Variants in LRP1B observed in about 807,000 individuals in gnomAD.
LRP1B encodes the protein low-density lipoprotein receptor-related protein 1B.
Under a neutral mutation model 556.6 loss-of-function variants are expected in LRP1B, and 217 were observed. That is an observed-to-expected ratio of 0.39 (90% CI 0.35 to 0.44). The LOEUF is 0.44. Among genes scored for constraint, LRP1B ranks in the 20% least tolerant of loss-of-function variants. The pLI, the probability that LRP1B is intolerant of heterozygous loss-of-function variation, is 1.00. For missense variants in LRP1B, 5,053 were observed against 5,620.8 expected (o/e 0.90, Z 3.23); for synonymous variants, 2,047 against 1,865.8 (o/e 1.10, Z -2.50).
At chr2:141,210,775 T>C (rs1402568861) in intron 6 of LRP1B, among the ~76,000 whole-genome samples, 1 of 152,190 alleles carries the variant, frequency 6.6e-6, no homozygotes, top group Non-Finnish European at 1.5e-5. Flanking sequence ...TATGTTTGTG[T>C]CTAGTGTAAA....
At chr2:140,366,805 C>A (rs1282906155) in intron 71 of LRP1B, among the ~76,000 whole-genome samples, 2 of 151,504 alleles carry the variant, frequency 1.3e-5, no homozygotes, top group African/African-American at 4.8e-5. Context: ...AGAAGTTTGG[C>A]CATAAAGGGA....
chr2:141,641,498 T>G (rs1170911648), intron 2 of LRP1B, among the ~76,000 whole-genome samples: 1 of 152,222 alleles, frequency 6.6e-6, no homozygotes, highest in East Asian at 1.9e-4. Flanking sequence ...TAGAATCTAT[T>G]TTAAAACATA....
chr2:141,454,658 A>G (rs1681561725), intron 3 of LRP1B, among the ~76,000 whole-genome samples: 1 of 77,510 alleles, frequency 1.3e-5, no homozygotes, highest in African/African-American at 6.3e-5. Context: ...CATGTCAGGA[A>G]AGCTAGTTGA....
chr2:141,015,993 G>A, intron 12 of LRP1B, 78 bp from the exon 13 acceptor site: 1 of 1,083,020 alleles, frequency 9.2e-7, no homozygotes, highest in Non-Finnish European at 1.4e-6. Context: ...CTCAGATTTG[G>A]CAGTTCCATA....
chr2:141,994,244 A>T (rs1559009626), intron 1 of LRP1B, among the ~76,000 whole-genome samples: 1 of 152,140 alleles, frequency 6.6e-6, no homozygotes, highest in Non-Finnish European at 1.5e-5. Context: ...CTGTTAATGT[A>T]ATAGTGGCCA....
chr2:140,316,966 T>C (rs961429635), intron 82 of LRP1B, among the ~76,000 whole-genome samples: 1 of 152,104 alleles, frequency 6.6e-6, no homozygotes, highest in Admixed American at 6.6e-5. Flanking sequence ...GTAGCATTCT[T>C]ATTCAGCATT....
intron 41 of LRP1B, among the ~76,000 whole-genome samples, chr2:140,635,103 TTAAA>T (rs1213739074): frequency 2.0e-5 from 3 of 152,082 alleles, no homozygotes; most frequent in Non-Finnish European, 4.4e-5. Context: ...ATTAATTCTA[TTAAA>T]TAAGGCTTAA....
At position 141,690,396 on chromosome 2, in the gene LRP1B, AATATATATAT is replaced by A. The variant is rs762453747; in HGVS notation, c.205+119873_205+119882del. On this transcript the variant is annotated intron_variant, in intron 2 of 90. Coordinates refer to ENST00000389484, the MANE Select transcript of LRP1B (RefSeq NM_018557.3). ...ATCCAGAAAAGGGATTACATCTATAAATATATATATATATATATATATATATATATATATA... is the reference window on the plus strand; with the variant it reads ...ATCCAGAAAAGGGATTACATCTATAAATATATATATATATATATATATATA... 1.3e-3 allele frequency among the ~76,000 whole-genome samples: 34 copies of A among 26,932 alleles called. No homozygotes were observed. The East Asian group carries it at 0.033, about 26-fold the overall frequency. 17.7% of individuals were successfully genotyped at this position (26,932 alleles called of 152,430 possible).
chr2:141,413,283 T>C (rs960028614), intron 3 of LRP1B, among the ~76,000 whole-genome samples: 1 of 152,152 alleles, frequency 6.6e-6, no homozygotes, highest in African/African-American at 2.4e-5. Flanking sequence ...ATTATCCAGA[T>C]TGGGCTTTAC....
chr2:140,751,304 T>C (rs1444814237), intron 35 of LRP1B, among the ~76,000 whole-genome samples: 1 of 152,110 alleles, frequency 6.6e-6, no homozygotes, highest in Non-Finnish European at 1.5e-5. Context: ...CAGTTATAAC[T>C]TTTTAGGCAT....
At chr2:140,468,661 G>T (rs548608415) in intron 60 of LRP1B, among the ~76,000 whole-genome samples, 84 of 152,308 alleles carry the variant, frequency 5.5e-4, no homozygotes, top group Non-Finnish European at 1.1e-3. Context: ...GGGCCCAATC[G>T]CCACACCAGT....
At chr2:140,755,295 A>G in intron 35 of LRP1B, among the ~76,000 whole-genome samples, 1 of 152,054 alleles carries the variant, frequency 6.6e-6, no homozygotes, top group East Asian at 1.9e-4. Flanking sequence ...ATGAGGAAAC[A>G]CTTCTTAATT....
rs72848041 is a variant in LRP1B at position 141,442,146 on chromosome 2, G to T, written c.343+38250C>A. 7.4e-4 allele frequency among the ~76,000 whole-genome samples: 112 copies of T among 152,126 alleles called. 1 individual carries two copies. The highest frequency in any genetic ancestry group is 8.5e-4 in the Admixed American group (13 of 15,282). ...TTTTCCTTTTCCATTTCCAAATTGTGCACTTTACAAAATAGAGAATGAGTA... is the reference window on the plus strand; with the variant it reads ...TTTTCCTTTTCCATTTCCAAATTGTTCACTTTACAAAATAGAGAATGAGTA... On this transcript the variant is annotated intron_variant, in intron 3 of 90. Transcript: ENST00000389484.
At chr2:140,233,942 T>C (rs1013023819) in intron 90 of LRP1B, among the ~76,000 whole-genome samples, 2 of 151,430 alleles carry the variant, frequency 1.3e-5, no homozygotes, top group South Asian at 4.1e-4. Context: ...ACATAGCATT[T>C]TGAAGTAGAA....
At chr2:142,036,980 G>A (rs1178021099) in intron 1 of LRP1B, among the ~76,000 whole-genome samples, 1 of 151,614 alleles carries the variant, frequency 6.6e-6, no homozygotes, top group South Asian at 2.1e-4. Context: ...CAGGAACTGG[G>A]TTTGCTAATT....
At chr2:141,725,438 T>C (rs1404349066) in intron 2 of LRP1B, among the ~76,000 whole-genome samples, 2 of 152,010 alleles carry the variant, frequency 1.3e-5, no homozygotes, top group Non-Finnish European at 2.9e-5. Context: ...AAATGGTAGA[T>C]GTTTCAGAAG....
chr2:141,675,518 C>T (rs935927355), intron 2 of LRP1B, among the ~76,000 whole-genome samples: 2 of 45,622 alleles, frequency 4.4e-5, no homozygotes, highest in Non-Finnish European at 9.2e-5. Flanking sequence ...CTTAATGTCT[C>T]AGTGCCTTAG....
At chr2:141,122,540 C>T (rs1701086197) in intron 7 of LRP1B, among the ~76,000 whole-genome samples, 1 of 151,976 alleles carries the variant, frequency 6.6e-6, no homozygotes, top group Admixed American at 6.6e-5. Flanking sequence ...CAAATCAAAA[C>T]CACAATGAGA....
intron 84 of LRP1B, among the ~76,000 whole-genome samples, chr2:140,288,372 ATTTCT>A (rs1683244471): frequency 6.6e-6 from 1 of 151,788 alleles, no homozygotes; most frequent in Non-Finnish European, 1.5e-5. Flanking sequence ...AAGGAATTTA[ATTTCT>A]TCTCTTTAAA....
Sources: allele counts gnomAD v4.1 joint callset (sites outside exome capture counted in the v4.1 genomes callset), GRCh38; gene constraint gnomAD v4.1.1; transcripts MANE v1.5; gene names NCBI Gene and HGNC (gene_info 2026-07-23, HGNC 2026-07-21).